TNRC18: variants seen among roughly 807,000 people sequenced by gnomAD.
TNRC18 encodes the protein trinucleotide repeat-containing gene 18 protein.
A neutral mutation model predicts 226.7 loss-of-function variants in TNRC18; 69 were observed. The observed-to-expected ratio is 0.30, with a 90% CI of 0.25 to 0.37. TNRC18 has a LOEUF of 0.37. Ranked by LOEUF, TNRC18 falls within the 10% of genes least tolerant of loss-of-function variation. The probability of loss-of-function intolerance (pLI) is 1.00; values close to 1 mark genes in which losing one functional copy is unlikely to be tolerated. For synonymous variants in TNRC18, 2,449 were observed against 1,927.6 expected (o/e 1.27, Z -7.09); for missense variants, 4,754 against 4,256.6 (o/e 1.12, Z -3.25).
chr7:5,389,426 G>C (rs576229574), intron 4 of TNRC18, 90 bp from the exon 5 acceptor site: 1 of 1,181,910 alleles, frequency 8.5e-7, no homozygotes, highest in Admixed American at 4.6e-5. Context: ...GAGGGGGATG[G>C]ACCAACCCAT....
intron 11 of TNRC18, among the ~76,000 whole-genome samples, chr7:5,369,068 C>T (rs534236196): frequency 6.6e-6 from 1 of 152,304 alleles, no homozygotes; most frequent in East Asian, 1.9e-4. Context: ...TGAACCGAGG[C>T]TGGGAGCGGT....
chr7:5,385,118 G>A (rs1779666680), intron 5 of TNRC18, among the ~76,000 whole-genome samples: 1 of 152,344 alleles, frequency 6.6e-6, no homozygotes, highest in Admixed American at 6.5e-5. Flanking sequence ...GCAGGAAGTG[G>A]GAAGGGCACT....
In TNRC18 at chr7:5,389,118, G is replaced by A. The variant is rs1354398188; in HGVS notation, c.706C>T (p.Arg236Trp). 5.3e-6 allele frequency: 7 copies of A among 1,317,222 alleles called. No homozygotes were observed. The highest frequency in any genetic ancestry group is 4.8e-5 in the African/African-American group (3 of 62,780). The allele number at this position is 1,317,222 out of a possible 1,614,324, so 81.6% of individuals were successfully genotyped here. Residue 236 changes from arginine (R) to tryptophan (W), a missense_variant, in exon 5 of 30, where the codon CGG becomes TGG. Transcript: ENST00000430969. ...TCCTGGGTCAGGTCCACCACGCCCC[G>A]TGGCCCCGAGGCCTCCTCGCCCCGG... ...RARGEEASGP[R>W]GVVDLTQEAR...
chr7:5,352,463 G>A (rs961712479), intron 16 of TNRC18, among the ~76,000 whole-genome samples: 2 of 152,300 alleles, frequency 1.3e-5, no homozygotes, highest in African/African-American at 4.8e-5. Context: ...ATGGGATTAC[G>A]ATGGCCCAAG....
intron 17 of TNRC18, among the ~76,000 whole-genome samples, chr7:5,347,064 C>T (rs1450984037): frequency 1.3e-5 from 2 of 151,956 alleles, no homozygotes; most frequent in South Asian, 2.1e-4. Flanking sequence ...GCCCCAGGGC[C>T]GGGCAAGGTG....
chr7:5,371,876 G>C (rs1278990287), intron 10 of TNRC18, among the ~76,000 whole-genome samples: 1 of 152,198 alleles, frequency 6.6e-6, no homozygotes, highest in Non-Finnish European at 1.5e-5. Flanking sequence ...TTCAAGACCA[G>C]CCTGAGCAAC....
At chr7:5,343,516 G>T (rs370788128) in intron 18 of TNRC18, among the ~76,000 whole-genome samples, 1 of 152,052 alleles carries the variant, frequency 6.6e-6, no homozygotes. Flanking sequence ...TCGACCTCCC[G>T]AGCTCCAGTG....
At position 5,362,680 on chromosome 7, in the gene TNRC18, C is replaced by T. The variant is rs1455852357; in HGVS notation, c.4365G>A (p.Lys1455=). The change falls in exon 12 of 30, where the codon AAG becomes AAA. Residue 1455 remains lysine (K), a synonymous_variant. Transcript: ENST00000430969. ...RLPRELKPNK[K]YSWMRKKEER... is the part of the protein sequence containing the mutation. ...CCTCCTTCTTGCGCATCCAGCTGTA[C>T]TTCTTGTTGGGCTTCAGCTCCCGCG... 1 of 1,589,652 alleles carries T rather than the reference C, an allele frequency of 6.3e-7. No homozygotes were observed. The highest frequency in any genetic ancestry group is 8.6e-7 in the Non-Finnish European group (1 of 1,168,962).
chr7:5,351,175 A>C (rs1451417791), intron 17 of TNRC18, among the ~76,000 whole-genome samples: 1 of 151,642 alleles, frequency 6.6e-6, no homozygotes, highest in Non-Finnish European at 1.5e-5. Flanking sequence ...TCCCGTCCCT[A>C]CTCCTTCTGG....
At position 5,313,698 on chromosome 7, in the gene TNRC18, G is replaced by A. The variant is rs1409310721; in HGVS notation, c.7193C>T (p.Pro2398Leu). 2 of 1,600,732 alleles carry A rather than the reference G, an allele frequency of 1.2e-6. No homozygotes were observed. Among genetic ancestry groups the A allele is most frequent in the Non-Finnish European group, 1.7e-6 (2 of 1,173,594 alleles). ...KARPAPPQPS[P>L]APPAFTSCPA... Reference sequence around the variant, plus strand: ...GCAGCTGGTGAAGGCGGGTGGTGCGGGACTGGGCTGCGGCGGTGCCGGGCG... The same window carrying A: ...GCAGCTGGTGAAGGCGGGTGGTGCGAGACTGGGCTGCGGCGGTGCCGGGCG... Residue 2398 changes from proline to leucine, a missense_variant, in exon 27 of 30, where the codon CCC becomes CTC. Transcript: ENST00000430969.
Position 5,361,481 on chromosome 7 carries a change from G to T in TNRC18, c.4661+113C>A, listed in dbSNP as rs552084464. 3.0e-6 allele frequency: 4 copies of T among 1,316,482 alleles called. No homozygotes were observed. The East Asian group carries it at 1.1e-4, about 37-fold the overall frequency. 81.6% of individuals were successfully genotyped at this position (1,316,482 alleles called of 1,614,324 possible). On this transcript the variant is annotated intron_variant, in intron 14 of 29. Coordinates refer to ENST00000430969, the MANE Select transcript of TNRC18 (RefSeq NM_001080495.3). The stretch of plus-strand genomic sequence containing the variant: ...GAGGGCCACTGCTGCGGGTAGGTCA[G>T]AGCCCGAGGGACGCGAGGTCCCCCA...
intron 18 of TNRC18, among the ~76,000 whole-genome samples, chr7:5,344,535 G>A (rs1285915443): frequency 2.0e-5 from 3 of 152,146 alleles, no homozygotes; most frequent in African/African-American, 7.2e-5. Flanking sequence ...AGACACTGGA[G>A]GTCAGGGGTG....
intron 17 of TNRC18, among the ~76,000 whole-genome samples, chr7:5,349,416 TTTA>T (rs953440001): frequency 2.6e-5 from 4 of 152,146 alleles, no homozygotes; most frequent in East Asian, 1.9e-4. Context: ...AGAAAAACTT[TTTA>T]TTATTATTAT....
Position 5,394,530 on chromosome 7 carries a change from G to C in TNRC18, c.253C>G (p.Pro85Ala). 6.4e-7 allele frequency: 1 copy of C among 1,553,224 alleles called. No individual in the cohort carries two copies. Among genetic ancestry groups the C allele is most frequent in the Non-Finnish European group, 8.7e-7 (1 of 1,150,766 alleles). The change falls in exon 3 of 30, where the codon CCA becomes GCA. Residue 85 changes from proline to alanine, a missense_variant. Coordinates refer to ENST00000430969, the MANE Select transcript of TNRC18 (RefSeq NM_001080495.3). This position sits in a 1 kb window ranked among gnomAD's most constrained non-coding sequence, Gnocchi z 4.5. ...GACAGGTCAGAGGGCAGTGGCACTG[G>C]GCTCCCATGGGACGAGGCCGAGGGC... is the stretch of plus-strand genomic sequence containing the variant. ...MGPSASSHGS[P>A]VPLPSDLSFR...
chr7:5,416,451 T>C (rs1381495365), intron 2 of TNRC18, among the ~76,000 whole-genome samples: 1 of 152,222 alleles, frequency 6.6e-6, no homozygotes, highest in Non-Finnish European at 1.5e-5. Flanking sequence ...CCAAGCACAG[T>C]GGTGCTGGAC....
At chr7:5,405,494 G>T (rs144795490) in intron 2 of TNRC18, among the ~76,000 whole-genome samples, 7 of 152,090 alleles carry the variant, frequency 4.6e-5, no homozygotes, top group Admixed American at 1.3e-4. Flanking sequence ...CCTTGAACCC[G>T]GGAGGCGGAG....
In TNRC18 at chr7:5,371,010, C is replaced by A. The variant is rs890201969; in HGVS notation, c.3584G>T (p.Gly1195Val). The A allele has an allele frequency of 1.9e-6, 3 of 1,608,032 alleles. No homozygotes were observed. The highest frequency in any genetic ancestry group is 2.7e-5 in the African/African-American group (2 of 74,944). ...GGCCTCCAACAGGCCACCTCCACAA[C>A]CCCCTGCAGGGCTGGGGGTAGCCAT... ...EAMATPSPAG[G>V]CGGGLLEAQA... is the part of the protein sequence containing the mutation. Residue 1195 changes from glycine (G) to valine (V), a missense_variant, in exon 11 of 30, where the codon GGT becomes GTT. Gly to Val is a moderately radical substitution (Grantham distance 109). Coordinates refer to ENST00000430969, the MANE Select transcript of TNRC18 (RefSeq NM_001080495.3).
rs541851437 is a variant in TNRC18, at chr7:5,309,988, C to T, written c.8389-620G>A. On this transcript the variant is annotated intron_variant, in intron 27 of 29. Coordinates refer to ENST00000430969, the MANE Select transcript of TNRC18 (RefSeq NM_001080495.3). This position sits in a 1 kb window ranked among gnomAD's most constrained non-coding sequence, Gnocchi z 5.7. The stretch of plus-strand genomic sequence containing the variant: ...ACTGCAGTGGTAATATCATAGCTCA[C>T]TGCAGCCTCGATCTCCTGGGCTCAA... Among the ~76,000 whole-genome samples the T allele has an allele frequency of 5.7e-4, 87 of 152,224 alleles. No homozygotes were observed. The highest frequency in any genetic ancestry group is 1.2e-3 in the Non-Finnish European group (80 of 68,044).
At chr7:5,321,227 G>A (rs1788321871) in intron 21 of TNRC18, 37 bp from the exon 22 acceptor site, 2 of 1,461,226 alleles carry the variant, frequency 1.4e-6, no homozygotes, top group Admixed American at 2.0e-5. Context: ...GCTGGAGCCG[G>A]GGGCGTCTGC....
Sources: allele counts gnomAD v4.1 joint callset (sites outside exome capture counted in the v4.1 genomes callset), GRCh38; gene constraint gnomAD v4.1.1; non-coding constraint Gnocchi (gnomAD v3.1); transcripts MANE v1.5; gene names NCBI Gene and HGNC (gene_info 2026-07-23, HGNC 2026-07-21).